The following KATNIP variants were observed in gnomAD, a reference collection of about 807,000 sequenced individuals.
The protein encoded by KATNIP is katanin-interacting protein.
KATNIP carries 126 observed loss-of-function variants against 174.0 expected under a neutral mutation model. That is an observed-to-expected ratio of 0.72 (90% CI 0.63 to 0.84). The LOEUF (loss-of-function observed/expected upper bound fraction) is 0.84. KATNIP is among the 40% of genes least tolerant of loss of function. KATNIP has a pLI of 0.00. For synonymous variants in KATNIP, 810 were observed against 835.7 expected, an observed-to-expected ratio of 0.97 and a Z score of 0.53; for missense variants, 1,958 against 2,109.7, an observed-to-expected ratio of 0.93 and a Z score of 1.41.
chr16:27,636,145 C>A (rs1465508954), intron 5 of KATNIP, among the ~76,000 whole-genome samples: 1 of 152,124 alleles, frequency 6.6e-6, no homozygotes, highest in East Asian at 1.9e-4. Flanking sequence ...CAGAGCAAGA[C>A]CCTATCTCAA....
At chr16:27,553,523 AT>A (rs2089480726) in intron 1 of KATNIP, among the ~76,000 whole-genome samples, 1 of 152,232 alleles carries the variant, frequency 6.6e-6, no homozygotes, top group African/African-American at 2.4e-5. Flanking sequence ...TTATTTAAGA[AT>A]GTCCTGATGG....
At chr16:27,648,809 G>C in intron 6 of KATNIP, 74 bp downstream of exon 6, 6 of 1,511,112 alleles carry the variant, frequency 4.0e-6, no homozygotes, top group Non-Finnish European at 5.4e-6. Context: ...GGCCCCTCGG[G>C]GCACTTTCTG....
chr16:27,638,200 C>T (rs940665049), intron 5 of KATNIP, among the ~76,000 whole-genome samples: 18 of 152,196 alleles, frequency 1.2e-4, no homozygotes, highest in African/African-American at 4.1e-4. Context: ...ACTAGAGCCC[C>T]TCAGAGACCA....
At chr16:27,633,423 A>AAAAATTT (rs1184276279) in intron 5 of KATNIP, among the ~76,000 whole-genome samples, 2 of 149,792 alleles carry the variant, frequency 1.3e-5, no homozygotes, top group Non-Finnish European at 3.0e-5. Context: ...TATATAAAAT[A>AAAAATTT]AAAATTTAAA....
chr16:27,715,523 A>G (rs1244861971), intron 13 of KATNIP, among the ~76,000 whole-genome samples: 1 of 152,212 alleles, frequency 6.6e-6, no homozygotes, highest in African/African-American at 2.4e-5. Flanking sequence ...AAAGGGAGAA[A>G]ATATCTGCAC....
At chr16:27,640,995 G>A (rs1010001917) in intron 5 of KATNIP, among the ~76,000 whole-genome samples, 6 of 152,054 alleles carry the variant, frequency 3.9e-5, no homozygotes, top group African/African-American at 1.2e-4. Flanking sequence ...AACATTAGCC[G>A]GACATGGTGG....
At chr16:27,576,641 C>A (rs1421821874) in intron 2 of KATNIP, among the ~76,000 whole-genome samples, 1 of 151,412 alleles carries the variant, frequency 6.6e-6, no homozygotes, top group East Asian at 1.9e-4. Flanking sequence ...AACAAAAAAA[C>A]AAACAAAACA....
At chr16:27,655,778 A>G (rs934160896) in intron 6 of KATNIP, among the ~76,000 whole-genome samples, 2 of 152,116 alleles carry the variant, frequency 1.3e-5, no homozygotes, top group African/African-American at 4.8e-5. Context: ...GCCTCAGGGA[A>G]GCCCCTGCTG....
chr16:27,741,070 G>A, intron 15 of KATNIP, 150 bp downstream of exon 15: 2 of 801,628 alleles, frequency 2.5e-6, no homozygotes, highest in Non-Finnish European at 3.9e-6. Flanking sequence ...TGTCTCAGGG[G>A]CCAAAGAGAT....
chr16:27,596,103 A>G (rs2075326589), intron 2 of KATNIP, among the ~76,000 whole-genome samples: 1 of 152,150 alleles, frequency 6.6e-6, no homozygotes, highest in Non-Finnish European at 1.5e-5. Flanking sequence ...ACCGTGACCT[A>G]GCAGGCTTTA....
chr16:27,709,435 A>G (rs560652522), intron 13 of KATNIP, among the ~76,000 whole-genome samples: 8 of 152,292 alleles, frequency 5.3e-5, no homozygotes, highest in African/African-American at 1.7e-4. Flanking sequence ...CAGCCTGGCC[A>G]ACATGGTGAA....
intron 13 of KATNIP, among the ~76,000 whole-genome samples, chr16:27,709,337 A>AG (rs1397691976): frequency 1.4e-5 from 2 of 147,062 alleles, no homozygotes; most frequent in African/African-American, 5.0e-5. Context: ...AAAAAAAAAA[A>AG]TAGGCCGGGT....
chr16:27,568,529 A>G (rs933175524), intron 1 of KATNIP, among the ~76,000 whole-genome samples: 1 of 152,040 alleles, frequency 6.6e-6, no homozygotes, highest in African/African-American at 2.4e-5. Flanking sequence ...TAGTGGTGCA[A>G]TCTCGGCTCT....
At chr16:27,708,563 C>T (rs2079425746) in intron 12 of KATNIP, 142 bp from the exon 13 acceptor site, 1 of 614,866 alleles carries the variant, frequency 1.6e-6, no homozygotes, top group African/African-American at 1.8e-5. Context: ...GTAGTGGGTG[C>T]TATTCTTATC....
At chr16:27,692,335 G>A (rs1207185178) in intron 8 of KATNIP, among the ~76,000 whole-genome samples, 1 of 152,186 alleles carries the variant, frequency 6.6e-6, no homozygotes, top group African/African-American at 2.4e-5. Context: ...ATGTGGTTGG[G>A]TGATATTCAC....
At position 27,603,737 on chromosome 16, in the gene KATNIP, CTT is replaced by C. The variant is rs35121026; in HGVS notation, c.64-14672_64-14671del. 3.2e-3 allele frequency among the ~76,000 whole-genome samples: 421 copies of C among 130,974 alleles called. 1 individual carries two copies. The highest frequency in any genetic ancestry group is 5.6e-3 in the Admixed American group (74 of 13,130). 85.9% of individuals were successfully genotyped at this position (130,974 alleles called of 152,430 possible). ...TGAGATTTACAGCACTTCCCACTTCCTTTTTTTTTTTTTTTTTGAGATAGAGT... is the reference window on the plus strand; with the variant it reads ...TGAGATTTACAGCACTTCCCACTTCCTTTTTTTTTTTTTTTGAGATAGAGT... On this transcript the variant is annotated intron_variant, in intron 2 of 27. Transcript: ENST00000261588.
intron 21 of KATNIP, among the ~76,000 whole-genome samples, chr16:27,771,301 T>C (rs2082291054): frequency 6.6e-6 from 1 of 152,036 alleles, no homozygotes; most frequent in South Asian, 2.1e-4. Context: ...ATCCCAAGCA[T>C]CTAAAAATAC....
At chr16:27,712,140 C>T (rs1006288856) in intron 13 of KATNIP, among the ~76,000 whole-genome samples, 2 of 152,186 alleles carry the variant, frequency 1.3e-5, no homozygotes, top group East Asian at 1.9e-4. Context: ...GAGACTGGGG[C>T]GCTTTGCCAT....
rs145672064 is a variant in KATNIP, at chr16:27,569,491, C to A, written c.8-4410C>A. On this transcript the variant is annotated intron_variant, in intron 1 of 27. Coordinates refer to ENST00000261588, the MANE Select transcript of KATNIP (RefSeq NM_015202.5). ...CTTCATAGCTGAAGCAGGCAGGTCA[C>A]CCTGCAAAATTCAGAGGAACACCCC... 2.1e-3 allele frequency among the ~76,000 whole-genome samples: 314 copies of A among 152,298 alleles called. 3 individuals carry two copies. The highest frequency in any genetic ancestry group is 6.7e-3 in the African/African-American group (278 of 41,554).
Sources: allele counts gnomAD v4.1 joint callset (sites outside exome capture counted in the v4.1 genomes callset), GRCh38; gene constraint gnomAD v4.1.1; transcripts MANE v1.5; gene names NCBI Gene and HGNC (gene_info 2026-07-23, HGNC 2026-07-21).